The following PDE1C variants were observed in gnomAD, a reference collection of about 807,000 sequenced individuals.
PDE1C encodes phosphodiesterase 1C.
Under a neutral mutation model 93.1 loss-of-function variants are expected in PDE1C, and 62 were observed. The ratio of observed to expected loss-of-function variants is 0.67; its 90% confidence interval spans 0.54 to 0.82. The LOEUF is 0.82. Ranked by LOEUF, PDE1C falls within the 40% of genes least tolerant of loss-of-function variation. PDE1C has a pLI of 0.00. For missense variants in PDE1C, 742 were observed against 884.6 expected (o/e 0.84, Z 2.04); for synonymous variants, 325 against 310.1 (o/e 1.05, Z -0.50).
intron 5 of PDE1C, among the ~76,000 whole-genome samples, chr7:31,876,489 T>C (rs958900318): frequency 6.6e-6 from 1 of 152,184 alleles, no homozygotes; most frequent in Admixed American, 6.5e-5. Context: ...GAGGCTTCAA[T>C]TTGGAAGAAA....
At chr7:31,966,152 G>C (rs1206936556) in intron 2 of PDE1C, among the ~76,000 whole-genome samples, 1 of 152,034 alleles carries the variant, frequency 6.6e-6, no homozygotes, top group African/African-American at 2.4e-5. Context: ...CAATTAAAAG[G>C]CACAGACTGG....
intron 1 of PDE1C, among the ~76,000 whole-genome samples, chr7:32,292,394 T>G (rs1019614744): frequency 6.6e-5 from 10 of 152,196 alleles, no homozygotes; most frequent in Non-Finnish European, 1.3e-4. Flanking sequence ...TTATTCAATC[T>G]AAAAGTTTAT....
chr7:32,123,365 G>C lies in PDE1C; in HGVS notation c.308+46420C>G, dbSNP rs900694921. 2.0e-5 allele frequency among the ~76,000 whole-genome samples: 3 copies of C among 152,016 alleles called. No homozygotes were observed. In the South Asian group the frequency reaches 6.2e-4, roughly 31 times the overall value. ...ACTTATTTCTAACTCATTTTATAAAGCCAGCATCATCCTGATACCAAAACC... is the reference window on the plus strand; with the variant it reads ...ACTTATTTCTAACTCATTTTATAAACCCAGCATCATCCTGATACCAAAACC... On this transcript the variant is annotated intron_variant, in intron 3 of 18. Transcript: ENST00000396193.
chr7:31,658,264 C>T, the PDE1C span: 3 of 1,500,560 alleles, frequency 2.0e-6, no homozygotes, highest in Non-Finnish European at 2.6e-6. Context: ...CACATATTCT[C>T]TTATAGGTGA....
At chr7:32,114,273 C>A (rs1461217155) in intron 3 of PDE1C, among the ~76,000 whole-genome samples, 2 of 152,068 alleles carry the variant, frequency 1.3e-5, no homozygotes, top group Non-Finnish European at 2.9e-5. Context: ...CAAAAACAGA[C>A]ATATATACCA....
chr7:32,071,318 C>G, upstream of PDE1C: 1 of 985,510 alleles, frequency 1.0e-6, no homozygotes, highest in South Asian at 4.7e-5. Context: ...CCTGGAGGTC[C>G]CCCACAGCCT....
chr7:32,303,742 G>C (rs1302335262), upstream of PDE1C, among the ~76,000 whole-genome samples: 1 of 152,010 alleles, frequency 6.6e-6, no homozygotes, highest in Non-Finnish European at 1.5e-5. Flanking sequence ...TTCCACAAAG[G>C]GGCAATTTTT....
intron 2 of PDE1C, among the ~76,000 whole-genome samples, chr7:31,944,297 T>C (rs755976117): frequency 1.3e-5 from 2 of 152,212 alleles, no homozygotes; most frequent in Non-Finnish European, 2.9e-5. Context: ...ATAAATATAC[T>C]GCATGTGGTT....
At chr7:31,837,815 G>A (rs1236169822) in intron 10 of PDE1C, 55 bp downstream of exon 10, 10 of 1,093,376 alleles carry the variant, frequency 9.1e-6, no homozygotes, top group East Asian at 4.7e-5. Flanking sequence ...CCACATAGAC[G>A]AGGACCCATT....
At chr7:31,622,338 A>G in the PDE1C span, among the ~76,000 whole-genome samples, 40 of 152,164 alleles carry the variant, frequency 2.6e-4, no homozygotes, top group Non-Finnish European at 5.0e-4. Flanking sequence ...CTATTCAAAA[A>G]TTGACCAGAT....
At chr7:31,790,688 G>T (rs1784489851) in intron 16 of PDE1C, among the ~76,000 whole-genome samples, 2 of 152,026 alleles carry the variant, frequency 1.3e-5, no homozygotes, top group Non-Finnish European at 2.9e-5. Flanking sequence ...CAGAATTCTT[G>T]CCCCACCCTC....
At chr7:32,387,491 GC>G (rs1241484412) in intron 1 of PDE1C, among the ~76,000 whole-genome samples, 100 of 149,230 alleles carry the variant, frequency 6.7e-4, no homozygotes, top group African/African-American at 2.4e-3. Flanking sequence ...AGGGCGGCTG[GC>G]CGGGCGGGGG....
intron 2 of PDE1C, among the ~76,000 whole-genome samples, chr7:32,000,630 G>A (rs1487246656): frequency 2.0e-5 from 3 of 152,072 alleles, no homozygotes; most frequent in South Asian, 4.1e-4. Flanking sequence ...AGTGGAAATC[G>A]GAGCTTTCAT....
At chr7:32,299,275 A>G (rs1812820360) in exon 1 of PDE1C, 1 of 986,928 alleles carries the variant, frequency 1.0e-6, no homozygotes, top group Non-Finnish European at 1.2e-6. Context: ...ACAGATGGAA[A>G]GGCAAACCCC....
At chr7:32,275,440 C>A (rs1811216800) in intron 1 of PDE1C, among the ~76,000 whole-genome samples, 1 of 152,174 alleles carries the variant, frequency 6.6e-6, no homozygotes, top group Non-Finnish European at 1.5e-5. Context: ...CACCAGTGAC[C>A]ACTCTCTCCA....
the PDE1C span, among the ~76,000 whole-genome samples, chr7:31,626,801 A>C: frequency 5.3e-5 from 8 of 152,194 alleles, no homozygotes; most frequent in Non-Finnish European, 1.2e-4. Flanking sequence ...TAAACTTTGA[A>C]AGAGCAGAGG....
At chr7:31,756,969 A>C (rs1346095377) in intron 17 of PDE1C, among the ~76,000 whole-genome samples, 1 of 152,242 alleles carries the variant, frequency 6.6e-6, no homozygotes, top group Non-Finnish European at 1.5e-5. Flanking sequence ...CCAATGCCTG[A>C]GGCTTCCTTG....
the PDE1C span, among the ~76,000 whole-genome samples, chr7:31,737,076 A>G: frequency 6.6e-6 from 1 of 152,142 alleles, no homozygotes; most frequent in African/African-American, 2.4e-5. Context: ...TCAGTGTCCC[A>G]AATAGCTGGG....
chr7:31,655,916 C>A, the PDE1C span: 1 of 985,466 alleles, frequency 1.0e-6, no homozygotes, highest in Non-Finnish European at 1.2e-6. Flanking sequence ...TGGCAGCCAT[C>A]TGCTTTACCA....
Sources: allele counts gnomAD v4.1 joint callset (sites outside exome capture counted in the v4.1 genomes callset), GRCh38; gene constraint gnomAD v4.1.1; transcripts MANE v1.5; gene names NCBI Gene and HGNC (gene_info 2026-07-23, HGNC 2026-07-21).